Variants in GRID1 observed in about 807,000 individuals in gnomAD.
The protein encoded by GRID1 is glutamate ionotropic receptor delta type subunit 1.
In GRID1, 28 loss-of-function variants were observed where a neutral mutation model predicts 98.0. The observed-to-expected ratio is 0.29, with a 90% CI of 0.21 to 0.39. The LOEUF is 0.39. GRID1 is among the 10% of genes least tolerant of loss of function. The pLI is 1.00. For missense variants in GRID1, 1,111 were observed against 1,340.5 expected (o/e 0.83, Z 2.67); for synonymous variants, 553 against 538.5 (o/e 1.03, Z -0.37).
intron 3 of GRID1, among the ~76,000 whole-genome samples, chr10:86,141,860 T>A (rs4559622): frequency 0.01 from 1,593 of 152,254 alleles, 30 homozygotes; most frequent in African/African-American, 0.036. Context: ...TAAACGATAT[T>A]CCTAAATATG....
chr10:85,947,937 C>A (rs1048131226), intron 4 of GRID1, among the ~76,000 whole-genome samples: 5 of 152,160 alleles, frequency 3.3e-5, no homozygotes, highest in Admixed American at 6.5e-5. Context: ...AGCAACCTTA[C>A]AATAAGCCTA....
At chr10:86,038,028 T>C (rs1277168354) in intron 4 of GRID1, among the ~76,000 whole-genome samples, 2 of 152,012 alleles carry the variant, frequency 1.3e-5, no homozygotes, top group African/African-American at 4.8e-5. Flanking sequence ...AAAAGGAGAT[T>C]AGGACACAGA....
intron 13 of GRID1, chr10:85,643,968 G>A: frequency 6.6e-6 from 1 of 152,170 alleles, no homozygotes; most frequent in African/African-American, 2.4e-5. Flanking sequence ...GGTTTCCTAA[G>A]TGCCGCCAAT....
chr10:85,933,106 C>A (rs1363023892), intron 4 of GRID1, among the ~76,000 whole-genome samples: 1 of 151,946 alleles, frequency 6.6e-6, no homozygotes, highest in Non-Finnish European at 1.5e-5. Context: ...AGAGTGGCTT[C>A]CTTATAAAAG....
chr10:85,612,827 T>C (rs527940227), intron 15 of GRID1, among the ~76,000 whole-genome samples: 3 of 151,454 alleles, frequency 2.0e-5, no homozygotes, highest in Admixed American at 2.0e-4. Flanking sequence ...TTGGCACACA[T>C]GGGGAGAAAT....
At chr10:85,701,836 G>A (rs150850358) in intron 12 of GRID1, among the ~76,000 whole-genome samples, 60 of 152,230 alleles carry the variant, frequency 3.9e-4, no homozygotes, top group Admixed American at 2.5e-3. Flanking sequence ...GCAAGGGTGG[G>A]AAGGGGTCAA....
intron 8 of GRID1, among the ~76,000 whole-genome samples, chr10:85,845,679 C>T (rs1842998874): frequency 6.6e-6 from 1 of 152,222 alleles, no homozygotes; most frequent in African/African-American, 2.4e-5. Flanking sequence ...GTGTGCTTCG[C>T]ATGCCCCTCT....
At chr10:85,867,507 T>C (rs1425418202) in intron 6 of GRID1, among the ~76,000 whole-genome samples, 1 of 152,154 alleles carries the variant, frequency 6.6e-6, no homozygotes, top group Non-Finnish European at 1.5e-5. Flanking sequence ...TGAGCCCCAT[T>C]GTTTAAGGCC....
intron 4 of GRID1, among the ~76,000 whole-genome samples, chr10:85,971,918 C>T (rs547747626): frequency 1.3e-5 from 2 of 152,168 alleles, no homozygotes; most frequent in Admixed American, 6.6e-5. Context: ...CTTTATTCAT[C>T]ATAGCCAAAA....
At position 85,606,582 on chromosome 10, in the gene GRID1, C is replaced by T. The variant is rs1173679919; in HGVS notation, c.2602-3881G>A. ...AATGTGTCCTTTAAGTCGCCTGCTC[C>T]TGCTGCTGTCTGTGGGAGCCAGAGC... is the stretch of plus-strand genomic sequence containing the variant. On this transcript the variant is annotated intron_variant, in intron 15 of 15. Coordinates refer to ENST00000327946, the MANE Select transcript of GRID1 (RefSeq NM_017551.3). 3.3e-5 allele frequency: 5 copies of T among 152,228 alleles called. No homozygotes were observed. The East Asian group carries it at 7.7e-4, about 23-fold the overall frequency. 9.4% of individuals were successfully genotyped at this position (152,228 alleles called of 1,614,324 possible).
chr10:86,323,082 G>A (rs1259359604), intron 2 of GRID1, among the ~76,000 whole-genome samples: 1 of 152,172 alleles, frequency 6.6e-6, no homozygotes, highest in Non-Finnish European at 1.5e-5. Flanking sequence ...GGGTTACAGA[G>A]CAAGACTCTA....
chr10:85,645,515 A>T (rs958801991), intron 13 of GRID1: 2 of 152,208 alleles, frequency 1.3e-5, no homozygotes, highest in African/African-American at 2.4e-5. Flanking sequence ...TCAAAGTATC[A>T]CTTTGTTAAA....
intron 14 of GRID1, among the ~76,000 whole-genome samples, chr10:85,617,225 G>GC (rs57386595): frequency 0.018 from 2,377 of 133,728 alleles, 38 homozygotes; most frequent in African/African-American, 0.042. Context: ...ATACAACAAA[G>GC]CCCCCCCCCC....
intron 4 of GRID1, among the ~76,000 whole-genome samples, chr10:86,029,010 A>G (rs12246887): frequency 0.012 from 1,885 of 152,178 alleles, 39 homozygotes; most frequent in African/African-American, 0.042. Flanking sequence ...GCATCCCTCT[A>G]ATGCTATACT....
At chr10:85,767,081 G>A (rs548984597) in intron 8 of GRID1, among the ~76,000 whole-genome samples, 3 of 152,188 alleles carry the variant, frequency 2.0e-5, no homozygotes, top group East Asian at 1.9e-4. Flanking sequence ...AATTTCTTGG[G>A]AATGAACATT....
chr10:85,824,690 C>A (rs753877626), intron 8 of GRID1, among the ~76,000 whole-genome samples: 2 of 151,998 alleles, frequency 1.3e-5, no homozygotes, highest in African/African-American at 2.4e-5. Flanking sequence ...CCCTCACCAC[C>A]CCCCCACCAC....
At chr10:86,236,956 G>A (rs1270971810) in intron 2 of GRID1, among the ~76,000 whole-genome samples, 1 of 152,142 alleles carries the variant, frequency 6.6e-6, no homozygotes, top group Non-Finnish European at 1.5e-5. Context: ...GCTGCTGGGA[G>A]GTAGACGTGG....
intron 4 of GRID1, among the ~76,000 whole-genome samples, chr10:86,124,096 T>G (rs1476482537): frequency 1.3e-5 from 2 of 152,156 alleles, no homozygotes; most frequent in African/African-American, 4.8e-5. Context: ...CTGACAACTA[T>G]AGAGTACAAT....
intron 2 of GRID1, among the ~76,000 whole-genome samples, chr10:86,210,195 G>A (rs1237030748): frequency 1.3e-5 from 2 of 152,164 alleles, no homozygotes. Flanking sequence ...ACCTTTCAGG[G>A]TCTCAGGAGA....
Sources: allele counts gnomAD v4.1 joint callset (sites outside exome capture counted in the v4.1 genomes callset), GRCh38; gene constraint gnomAD v4.1.1; transcripts MANE v1.5; gene names NCBI Gene and HGNC (gene_info 2026-07-23, HGNC 2026-07-21).